Variants in APC observed in about 807,000 individuals in gnomAD.
APC encodes adenomatous polyposis coli protein.
Under a neutral mutation model 247.0 loss-of-function variants are expected in APC, and 72 were observed. The ratio of observed to expected loss-of-function variants is 0.29; its 90% confidence interval spans 0.24 to 0.35. The LOEUF is 0.35. APC is among the 10% of genes least tolerant of loss of function. The probability of loss-of-function intolerance (pLI) is 1.00; values close to 1 mark genes in which losing one functional copy is unlikely to be tolerated. For missense variants in APC, 3,400 were observed against 3,360.7 expected, an observed-to-expected ratio of 1.01 and a Z score of -0.29; for synonymous variants, 1,254 against 1,162.5, an observed-to-expected ratio of 1.08 and a Z score of -1.60.
chr5:112,719,782 A>T (rs973864053), intron 1 of APC, among the ~76,000 whole-genome samples: 1 of 152,094 alleles, frequency 6.6e-6, no homozygotes, highest in African/African-American at 2.4e-5. Context: ...ACCTCAGGTG[A>T]TCCTCCCACC....
chr5:112,748,243 A>G (rs190767967), intron 1 of APC, among the ~76,000 whole-genome samples: 9 of 152,230 alleles, frequency 5.9e-5, no homozygotes, highest in Admixed American at 5.9e-4. Flanking sequence ...TGGCAAACAG[A>G]AAACTGAATA....
At chr5:112,741,890 C>G (rs188189605) in intron 1 of APC, among the ~76,000 whole-genome samples, 23 of 152,138 alleles carry the variant, frequency 1.5e-4, no homozygotes, top group African/African-American at 5.5e-4. Context: ...TTCTTTTGCA[C>G]CTGGCTTATT....
At chr5:112,709,110 T>G (rs1429803687) in intron 1 of APC, among the ~76,000 whole-genome samples, 1 of 152,238 alleles carries the variant, frequency 6.6e-6, no homozygotes, top group Non-Finnish European at 1.5e-5. Context: ...TGGACCTTTT[T>G]TATTAACATT....
chr5:112,758,924 C>T (rs1755322945), intron 2 of APC, among the ~76,000 whole-genome samples: 1 of 152,164 alleles, frequency 6.6e-6, no homozygotes, highest in South Asian at 2.1e-4. Context: ...CTTTAATTGA[C>T]TTTAAAATAC....
At chr5:112,789,762 G>A (rs1012859099) in intron 6 of APC, among the ~76,000 whole-genome samples, 2 of 152,112 alleles carry the variant, frequency 1.3e-5, no homozygotes, top group Non-Finnish European at 2.9e-5. Flanking sequence ...ACTCATCTTT[G>A]CAATATCTTT....
chr5:112,758,416 T>G (rs999581136), intron 2 of APC, among the ~76,000 whole-genome samples: 1 of 152,194 alleles, frequency 6.6e-6, no homozygotes, highest in Non-Finnish European at 1.5e-5. Context: ...AGCCTCCGCC[T>G]CCCGGGTTCA....
rs1247815306 is a variant in APC at position 112,842,343 on chromosome 5, G to T, written c.6749G>T (p.Gly2250Val). The change falls in exon 16 of 16, where the codon GGC (glycine) becomes GTC (valine). Residue 2250 changes from glycine to valine, a missense_variant. Coordinates refer to ENST00000257430, the MANE Select transcript of APC (RefSeq NM_000038.6). ...AGTACAAGTCCTGTTTCTAAAAAAG[G>T]CCCACCCCTTAAGACTCCAGCCTCC... ...SSSTSPVSKK[G>V]PPLKTPASKS... 1 of 1,613,828 alleles carries T rather than the reference G, an allele frequency of 6.2e-7. No homozygotes were observed. The highest frequency in any genetic ancestry group is 1.7e-5 in the Admixed American group (1 of 59,972).
chr5:112,720,560 G>T (rs1434611799), intron 1 of APC, among the ~76,000 whole-genome samples: 1 of 152,206 alleles, frequency 6.6e-6, no homozygotes, highest in Non-Finnish European at 1.5e-5. Context: ...AGGAAGATGG[G>T]TGACTTGACT....
chr5:112,785,210 A>C (rs1413250690), intron 6 of APC, among the ~76,000 whole-genome samples: 1 of 152,200 alleles, frequency 6.6e-6, no homozygotes, highest in East Asian at 1.9e-4. Context: ...TGAATCCTAC[A>C]CTATTTTTGA....
chr5:112,826,342 T>A (rs1450762408), intron 11 of APC, among the ~76,000 whole-genome samples: 1 of 151,814 alleles, frequency 6.6e-6, no homozygotes, highest in African/African-American at 2.4e-5. Flanking sequence ...TTGCTTCACT[T>A]TTTTTTTAAC....
rs890200715 is a variant in APC, at chr5:112,719,826, C to T, written c.165+11944C>T. On this transcript the variant is annotated intron_variant, in intron 1 of 13. Transcript: ENST00000507379. ...CCAAAGTTCTGGGATTACAGTTGTG[C>T]GCCACTGCGCCCAGCCAATTTTCAA... Among the ~76,000 whole-genome samples the T allele has an allele frequency of 1.1e-4, 17 of 152,234 alleles. No homozygotes were observed. In the East Asian group the frequency reaches 1.3e-3, roughly 12 times the overall value.
At chr5:112,780,201 C>G (rs1339899318) in intron 5 of APC, among the ~76,000 whole-genome samples, 7 of 152,090 alleles carry the variant, frequency 4.6e-5, no homozygotes, top group Non-Finnish European at 1.0e-4. Context: ...TTCAACTTTG[C>G]TTTACTTTTG....
chr5:112,732,830 A>G (rs910307621), intron 1 of APC, among the ~76,000 whole-genome samples: 4 of 152,202 alleles, frequency 2.6e-5, no homozygotes, highest in African/African-American at 7.2e-5. Flanking sequence ...CTTCATGGGA[A>G]TTTATGTTTA....
Position 112,845,515 on chromosome 5 carries a change from T to G in APC, c.*1389T>G, listed in dbSNP as rs1181454508. On this transcript the variant is annotated 3_prime_UTR_variant, in exon 16 of 16. Coordinates refer to ENST00000257430, the MANE Select transcript of APC (RefSeq NM_000038.6). ...GTATGTTAGGGCAAGATCTCAGCAG[T>G]GAAGTATAATCAGCACTTTGCCATG... 1 of 233,140 alleles carries G rather than the reference T, an allele frequency of 4.3e-6. No homozygotes were observed. The highest frequency in any genetic ancestry group is 8.5e-6 in the Non-Finnish European group (1 of 117,774). The allele number at this position is 233,140 out of a possible 1,614,324, so 14.4% of individuals were successfully genotyped here. A position where few individuals can be genotyped will look rare whatever the true frequency, so the allele number is the denominator to read the frequency against.
chr5:112,723,084 G>A (rs1328361451), intron 1 of APC, among the ~76,000 whole-genome samples: 1 of 152,010 alleles, frequency 6.6e-6, no homozygotes, highest in Admixed American at 6.5e-5. Flanking sequence ...GTAAAAGGAG[G>A]ACAGGAGAAG....
At position 112,767,324 on chromosome 5, in the gene APC, C is replaced by T. The variant is rs2149789216; in HGVS notation, c.356C>T (p.Pro119Leu). Residue 119 changes from proline to leucine, a missense_variant, in exon 4 of 16, where the codon CCA becomes CTA. By Grantham distance (98) the Pro-to-Leu change is moderately conservative (BLOSUM62 -3). Coordinates refer to ENST00000257430, the MANE Select transcript of APC (RefSeq NM_000038.6). ...AGTCCTGTTCCTATGGGTTCATTTC[C>T]AAGAAGAGGGTTTGTAAATGGAAGC... The part of the protein sequence containing the change: ...ECSPVPMGSF[P>L]RRGFVNGSRE... 1 of 1,614,086 alleles carries T rather than the reference C, an allele frequency of 6.2e-7. No homozygotes were observed. Among genetic ancestry groups the T allele is most frequent in the African/African-American group, 1.3e-5 (1 of 75,020 alleles).
chr5:112,824,495 A>G (rs937548912), intron 11 of APC, among the ~76,000 whole-genome samples: 1 of 152,150 alleles, frequency 6.6e-6, no homozygotes, highest in Non-Finnish European at 1.5e-5. Flanking sequence ...ATCTGTTGAT[A>G]TCTGCCACAT....
At chr5:112,733,579 A>C (rs541103787), upstream of APC, among the ~76,000 whole-genome samples, 1 of 152,256 alleles carries the variant, frequency 6.6e-6, no homozygotes, top group South Asian at 2.1e-4. Context: ...GGATAAGGAA[A>C]CAGATTCCCC....
chr5:112,828,941 C>T lies in APC; in HGVS notation c.1712C>T (p.Ala571Val), dbSNP rs1413470754. ...KTLREVGSVK[A>V]LMECALEVKK... ...TTGCGAGAAGTTGGAAGTGTGAAAG[C>T]ATTGATGGAATGTGCTTTAGAAGTT... Residue 571 changes from alanine (A) to valine (V), a missense_variant, in exon 14 of 16, where the codon GCA becomes GTA. Ala to Val is a moderately conservative substitution (Grantham distance 64, BLOSUM62 0). Coordinates refer to ENST00000257430, the MANE Select transcript of APC (RefSeq NM_000038.6). 1.7e-5 allele frequency: 28 copies of T among 1,613,288 alleles called. No individual in the cohort carries two copies. Among genetic ancestry groups the T allele is most frequent in the Non-Finnish European group, 2.4e-5 (28 of 1,179,484 alleles).
Sources: gnomAD v4.1 joint callset for allele counts (sites outside exome capture counted in the v4.1 genomes callset) on GRCh38, gnomAD v4.1.1 for gene constraint, MANE v1.5 for transcripts, NCBI Gene and HGNC (gene_info 2026-07-23, HGNC 2026-07-21) for gene names.